The following TPO variants were observed in gnomAD, a reference collection of about 807,000 sequenced individuals.
TPO encodes thyroid microsomal antigen.
A neutral mutation model predicts 96.9 loss-of-function variants in TPO; 78 were observed. The ratio of observed to expected loss-of-function variants is 0.81; its 90% CI spans 0.67 to 0.97. The LOEUF (loss-of-function observed/expected upper bound fraction) is 0.97, where lower values mean the gene tolerates loss of function less well. TPO is among the 50% of genes least tolerant of loss of function. The probability of loss-of-function intolerance (pLI) is 0.00; values close to 1 mark genes in which losing one functional copy is unlikely to be tolerated. For missense variants in TPO, 1,252 were observed against 1,274.8 expected (o/e 0.98, Z 0.27); for synonymous variants, 547 against 538.0 (o/e 1.02, Z -0.23).
intron 14 of TPO, among the ~76,000 whole-genome samples, chr2:1,509,781 T>G (rs74873065): frequency 1.8e-5 from 1 of 54,508 alleles, no homozygotes; most frequent in African/African-American, 8.9e-5. Flanking sequence ...CACCCTACCC[T>G]TTTGTTTCAG....
At chr2:1,534,839 ACT>A (rs1280787165) in intron 15 of TPO, among the ~76,000 whole-genome samples, 5 of 73,278 alleles carry the variant, frequency 6.8e-5, no homozygotes, top group Admixed American at 2.0e-4. Context: ...CAAGTCCCCC[ACT>A]GTGTGTAACC....
intron 14 of TPO, among the ~76,000 whole-genome samples, chr2:1,511,068 C>T (rs149929188): frequency 2.6e-5 from 4 of 152,344 alleles, no homozygotes; most frequent in African/African-American, 9.6e-5. Flanking sequence ...CATATAGATT[C>T]AGGCGCTGAT....
rs1665584388 is a variant in TPO, at chr2:1,436,472, TG to T, written c.482+90del. 1.9e-6 allele frequency: 3 copies of T among 1,585,950 alleles called. No individual in the cohort carries two copies. In the African/African-American group the frequency reaches 4.0e-5, roughly 21 times the overall value. On this transcript the variant is annotated intron_variant, in intron 5 of 16. Transcript: ENST00000329066. ...ATCATGAAGGAACTTCTACCACCAC[TG>T]GTGGATCTGTATCCACCCCTGAGCC...
At chr2:1,391,689 T>C (rs868334888) in intron 1 of TPO, among the ~76,000 whole-genome samples, 1 of 152,166 alleles carries the variant, frequency 6.6e-6, no homozygotes, top group East Asian at 1.9e-4. Context: ...CTTTTATTTC[T>C]TTGAGCAGTA....
At chr2:1,413,606 T>A in intron 1 of TPO, 61 bp downstream of exon 1, 1 of 917,368 alleles carries the variant, frequency 1.1e-6, no homozygotes, top group Non-Finnish European at 1.3e-6. Flanking sequence ...TTGGAACTTG[T>A]AAAGTGGCCC....
intron 5 of TPO, among the ~76,000 whole-genome samples, chr2:1,441,156 C>T (rs77959850): frequency 0.023 from 3,511 of 151,938 alleles, 116 homozygotes; most frequent in East Asian, 0.12. Context: ...TAGTGAGTGC[C>T]GCAGGAGGCA....
intron 1 of TPO, among the ~76,000 whole-genome samples, chr2:1,387,233 T>A (rs1661917700): frequency 6.6e-6 from 1 of 152,226 alleles, no homozygotes; most frequent in African/African-American, 2.4e-5. Context: ...GTATTCTCTG[T>A]ATTTCCTAAT....
chr2:1,407,887 A>G (rs2148384621), intron 1 of TPO, among the ~76,000 whole-genome samples: 1 of 152,374 alleles, frequency 6.6e-6, no homozygotes, highest in African/African-American at 2.4e-5. Context: ...AGATTTCTAC[A>G]CAAATGCAAA....
At chr2:1,512,868 C>A (rs891400559) in intron 14 of TPO, among the ~76,000 whole-genome samples, 1 of 152,210 alleles carries the variant, frequency 6.6e-6, no homozygotes, top group African/African-American at 2.4e-5. Context: ...CTTCCCCCAC[C>A]ACCAGCACCC....
chr2:1,439,613 C>T (rs953541478), intron 5 of TPO, among the ~76,000 whole-genome samples: 1 of 152,156 alleles, frequency 6.6e-6, no homozygotes, highest in Non-Finnish European at 1.5e-5. Context: ...CAAAACCTCT[C>T]CCAGCATCTC....
intron 15 of TPO, among the ~76,000 whole-genome samples, chr2:1,535,420 G>T (rs1338786652): frequency 4.0e-5 from 1 of 24,796 alleles, no homozygotes; most frequent in African/African-American, 1.6e-4. Flanking sequence ...TCCCCCTACT[G>T]TGTGCAACCT....
intron 8 of TPO, among the ~76,000 whole-genome samples, chr2:1,483,042 G>A (rs1176842118): frequency 6.6e-6 from 1 of 152,182 alleles, no homozygotes; most frequent in Admixed American, 6.5e-5. Context: ...CAACCTCGAC[G>A]GCTCCCAGGG....
At chr2:1,428,681 A>G (rs78439588) in intron 3 of TPO, among the ~76,000 whole-genome samples, 4,103 of 152,316 alleles carry the variant, frequency 0.027, 187 homozygotes, top group African/African-American at 0.091. Context: ...AGTGGATTTC[A>G]TCAAAAGGAG....
chr2:1,515,982 C>T (rs1001807603), intron 14 of TPO, among the ~76,000 whole-genome samples: 1 of 152,186 alleles, frequency 6.6e-6, no homozygotes, highest in East Asian at 1.9e-4. Flanking sequence ...TCGGCCACCT[C>T]GAATGGGTAT....
At chr2:1,440,590 T>G (rs1319338122) in intron 5 of TPO, among the ~76,000 whole-genome samples, 3 of 151,892 alleles carry the variant, frequency 2.0e-5, no homozygotes, top group African/African-American at 7.3e-5. Flanking sequence ...ATGCCACACC[T>G]GTACTTCTTG....
intron 7 of TPO, among the ~76,000 whole-genome samples, chr2:1,474,279 T>C (rs1049628142): frequency 5.9e-5 from 9 of 152,224 alleles, no homozygotes; most frequent in Non-Finnish European, 4.4e-5. Flanking sequence ...CCCTGGAAAA[T>C]ACAACTCTAT....
chr2:1,448,602 G>A (rs888334602), intron 5 of TPO, among the ~76,000 whole-genome samples: 3 of 152,172 alleles, frequency 2.0e-5, no homozygotes, highest in Admixed American at 6.5e-5. Flanking sequence ...CCTCGGCATC[G>A]GACCTCTTGG....
At chr2:1,454,479 A>T (rs1199897120) in intron 6 of TPO, among the ~76,000 whole-genome samples, 1 of 152,130 alleles carries the variant, frequency 6.6e-6, no homozygotes, top group Admixed American at 6.5e-5. Context: ...AAAGCCAACA[A>T]CTTTACCTAG....
intron 4 of TPO, among the ~76,000 whole-genome samples, chr2:1,435,738 C>T (rs1253839968): frequency 6.6e-6 from 1 of 151,960 alleles, no homozygotes; most frequent in Non-Finnish European, 1.5e-5. Flanking sequence ...ACAAGGGAAC[C>T]AAAAATCAAT....
Sources: allele counts gnomAD v4.1 joint callset (sites outside exome capture counted in the v4.1 genomes callset), GRCh38; gene constraint gnomAD v4.1.1; transcripts MANE v1.5; gene names NCBI Gene and HGNC (gene_info 2026-07-23, HGNC 2026-07-21).